PRICKLE2: variants seen among roughly 807,000 people sequenced by gnomAD.
The protein encoded by PRICKLE2 is prickle planar cell polarity protein 2, also known as prickle-like protein 2.
Under a neutral mutation model 81.4 loss-of-function variants are expected in PRICKLE2, and 21 were observed. That is an observed-to-expected ratio of 0.26 (90% CI 0.18 to 0.37). PRICKLE2 has a LOEUF of 0.37. Ranked by LOEUF, PRICKLE2 falls within the 10% of genes least tolerant of loss-of-function variation. PRICKLE2 has a pLI of 1.00. For synonymous variants in PRICKLE2, 456 were observed against 421.5 expected (o/e 1.08, Z -1.00); for missense variants, 940 against 1,109.0 (o/e 0.85, Z 2.16).
At chr3:64,170,826 G>A (rs1238247729) in intron 2 of PRICKLE2, among the ~76,000 whole-genome samples, 3 of 152,012 alleles carry the variant, frequency 2.0e-5, no homozygotes, top group South Asian at 2.1e-4. Flanking sequence ...AGTGAGTGGC[G>A]AATGCGCCAC....
Position 64,191,447 on chromosome 3 carries a change from T to C in PRICKLE2, c.144+7337A>G, listed in dbSNP as rs78167556. On this transcript the variant is annotated intron_variant, in intron 2 of 7. Coordinates refer to ENST00000638394, the MANE Select transcript of PRICKLE2 (RefSeq NM_198859.4). ...TCAGCCCTGTGATCTCCAGGTCTAA[T>C]AGTACCGGCTCCAAAGTCAGGTTGT... is the stretch of plus-strand genomic sequence containing the variant. 8.5e-3 allele frequency among the ~76,000 whole-genome samples: 1,299 copies of C among 152,326 alleles called. 23 individuals carry two copies. Among genetic ancestry groups the C allele is most frequent in the African/African-American group, 0.029 (1,226 of 41,568 alleles).
Position 64,093,365 on chromosome 3 carries a change from C to T in PRICKLE2, c.*5686G>A, listed in dbSNP as rs189381004. On this transcript the variant is annotated 3_prime_UTR_variant, in exon 8 of 8. Coordinates refer to ENST00000638394, the MANE Select transcript of PRICKLE2 (RefSeq NM_198859.4). ...AGTATCTCTTTGGAGACCCTGCTGT[C>T]AATTCTTTTGGGTATAGCCCAGAAG... 3.9e-5 allele frequency: 6 copies of T among 152,328 alleles called. No individual in the cohort carries two copies. The highest frequency in any genetic ancestry group is 6.5e-5 in the Admixed American group (1 of 15,304). The allele number at this position is 152,328 out of a possible 1,614,324, so 9.4% of individuals were successfully genotyped here.
chr3:64,235,642 G>A (rs912242941), intron 2 of PRICKLE2, among the ~76,000 whole-genome samples: 2 of 152,190 alleles, frequency 1.3e-5, no homozygotes, highest in Admixed American at 1.3e-4. Flanking sequence ...TCCCTCCGGA[G>A]GGCCTGAGAC....
At chr3:64,158,261 A>G (rs1235663008) in intron 4 of PRICKLE2, among the ~76,000 whole-genome samples, 1 of 152,234 alleles carries the variant, frequency 6.6e-6, no homozygotes, top group East Asian at 1.9e-4. Context: ...AGCTACCACC[A>G]AATCTTTCCC....
intron 2 of PRICKLE2, among the ~76,000 whole-genome samples, chr3:64,246,958 C>A: frequency 6.6e-6 from 1 of 152,186 alleles, no homozygotes; most frequent in East Asian, 1.9e-4. Flanking sequence ...CTCAGCAATA[C>A]TTATTCACAG....
At position 64,198,836 on chromosome 3, in the gene PRICKLE2, C is replaced by T. The variant is rs764536702; in HGVS notation, c.92G>A (p.Gly31Asp). Residue 31 changes from glycine to aspartate, a missense_variant, in exon 2 of 8, where the codon GGC becomes GAC. Gly to Asp is a moderately conservative substitution (Grantham distance 94). Around this residue, in one of 2 missense-constraint regions of PRICKLE2, gnomAD observed 270 missense variants for 391.8 expected, o/e 0.69. Transcript: ENST00000638394. ...CCAGGCATACTCTTCCAAAGCACAG[C>T]CTGAGTCATCATCTGAGGTCGAGTT... ...QRNSTSDDDSGCALEEYAWVP... is the reference protein window; with the variant it reads ...QRNSTSDDDSDCALEEYAWVP... 6.2e-7 allele frequency: 1 copy of T among 1,614,124 alleles called. No homozygotes were observed. Among genetic ancestry groups the T allele is most frequent in the South Asian group, 1.1e-5 (1 of 91,074 alleles).
intron 7 of PRICKLE2, among the ~76,000 whole-genome samples, chr3:64,112,974 A>G (rs79083203): frequency 0.026 from 3,958 of 151,678 alleles, 167 homozygotes; most frequent in African/African-American, 0.088. Flanking sequence ...AAGACATAGA[A>G]ATCTGGGAAC....
rs535310881 is a variant in PRICKLE2 at position 64,147,529 on chromosome 3, A to C, written c.961T>G (p.Ser321Ala). The C allele has an allele frequency of 6.2e-6, 10 of 1,614,238 alleles. No individual in the cohort carries two copies. In the East Asian group the frequency reaches 1.8e-4, roughly 29 times the overall value. ...SAGEDPNGSD[S>A]SDSAFQNARA... ...GCGTTCTGGAAGGCGGAATCAGAGG[A>C]GTCAGAACCATTGGGGTCTTCCCCA... Residue 321 changes from serine to alanine, a missense_variant, in exon 7 of 8, where the codon TCC becomes GCC. Ser to Ala is a moderately conservative substitution (Grantham distance 99, BLOSUM62 1). Around this residue, in one of 2 missense-constraint regions of PRICKLE2, gnomAD observed 670 missense variants for 717.2 expected, o/e 0.93. Transcript: ENST00000638394. This position sits in a 1 kb window ranked among gnomAD's most constrained non-coding sequence, Gnocchi z 5.0.
chr3:64,155,054 C>T (rs2077607851), intron 5 of PRICKLE2: 1 of 145,526 alleles, frequency 6.9e-6, no homozygotes, highest in South Asian at 2.2e-4. Context: ...GAGGTTCGGT[C>T]AGGAGAATTG....
chr3:64,100,517 T>C (rs994097759), intron 7 of PRICKLE2: 2 of 155,540 alleles, frequency 1.3e-5, no homozygotes, highest in East Asian at 1.9e-4. Context: ...TAGATATAGA[T>C]AGAGAAATAT....
intron 3 of PRICKLE2, among the ~76,000 whole-genome samples, chr3:64,161,157 T>C (rs2077727029): frequency 6.6e-6 from 1 of 152,270 alleles, no homozygotes; most frequent in East Asian, 1.9e-4. Context: ...TAAATTGAAA[T>C]TTCCTCCTTG....
chr3:64,237,626 G>C (rs1239220692), intron 2 of PRICKLE2, among the ~76,000 whole-genome samples: 1 of 152,088 alleles, frequency 6.6e-6, no homozygotes, highest in East Asian at 1.9e-4. Flanking sequence ...GGCAGACCAG[G>C]TTAGTTTTGG....
chr3:64,177,820 G>A (rs2078052330), intron 2 of PRICKLE2, among the ~76,000 whole-genome samples: 1 of 152,078 alleles, frequency 6.6e-6, no homozygotes, highest in African/African-American at 2.4e-5. Flanking sequence ...ACGGAATTTG[G>A]GTTGTTTTTA....
chr3:64,164,663 G>T (rs2077795987), intron 2 of PRICKLE2, among the ~76,000 whole-genome samples: 1 of 152,192 alleles, frequency 6.6e-6, no homozygotes. Context: ...ACTATAAAGA[G>T]AATTCTTGTC....
chr3:64,209,252 CCATA>C (rs1261245073), intron 1 of PRICKLE2, among the ~76,000 whole-genome samples: 5 of 151,946 alleles, frequency 3.3e-5, no homozygotes, highest in Non-Finnish European at 5.9e-5. Flanking sequence ...TCATTCATAC[CCATA>C]AATACAGCCA....
chr3:64,213,103 T>A (rs1381180321), intron 1 of PRICKLE2, among the ~76,000 whole-genome samples: 2 of 147,198 alleles, frequency 1.4e-5, no homozygotes, highest in Non-Finnish European at 3.0e-5. Flanking sequence ...TGAGATGGAA[T>A]TTTTCTTTTG....
chr3:64,154,391 A>AG, intron 5 of PRICKLE2: 1 of 151,556 alleles, frequency 6.6e-6, no homozygotes, highest in Non-Finnish European at 1.5e-5. Context: ...TACAAAAAAA[A>AG]AAAAAATAGC....
intron 7 of PRICKLE2, among the ~76,000 whole-genome samples, chr3:64,143,066 G>T (rs2077388862): frequency 2.6e-5 from 4 of 152,064 alleles, no homozygotes; most frequent in Admixed American, 2.6e-4. Context: ...ACTAATGATG[G>T]CTTAATATCG....
chr3:64,198,247 TAAATAAATAAAA>T (rs1265614614), intron 2 of PRICKLE2, among the ~76,000 whole-genome samples: 1 of 121,354 alleles, frequency 8.2e-6, no homozygotes, highest in African/African-American at 3.6e-5. Flanking sequence ...AATAAATAAA[TAAATAAATAAAA>T]CAAAAAAAAT....
Sources: gnomAD v4.1 joint callset for allele counts (sites outside exome capture counted in the v4.1 genomes callset) on GRCh38, gnomAD v4.1.1 for gene constraint, gnomAD v4.1.1 regional missense constraint, Gnocchi (gnomAD v3.1) non-coding constraint, MANE v1.5 for transcripts, NCBI Gene and HGNC (gene_info 2026-07-23, HGNC 2026-07-21) for gene names.